Variants in PFKP observed in about 807,000 individuals in gnomAD.
PFKP encodes the protein ATP-dependent 6-phosphofructokinase, platelet type.
Under a neutral mutation model 94.3 loss-of-function variants are expected in PFKP, and 101 were observed. The ratio of observed to expected loss-of-function variants is 1.07; its 90% CI spans 0.91 to 1.26. The LOEUF (loss-of-function observed/expected upper bound fraction) is 1.26, where lower values mean the gene tolerates loss of function less well. Among genes scored for constraint, PFKP ranks in the 50% most tolerant of loss-of-function variants. PFKP has a pLI of 0.00. For synonymous variants in PFKP, 573 were observed against 432.6 expected (o/e 1.32, Z -4.03); for missense variants, 1,145 against 1,103.3 (o/e 1.04, Z -0.53).
At chr10:3,118,139 A>G (rs540914442) in intron 14 of PFKP, among the ~76,000 whole-genome samples, 8 of 152,282 alleles carry the variant, frequency 5.3e-5, no homozygotes, top group South Asian at 2.1e-4. Context: ...AATAGTGGAT[A>G]ATGCATATGT....
At chr10:3,092,872 G>A (rs866895026) in intron 2 of PFKP, among the ~76,000 whole-genome samples, 1 of 152,154 alleles carries the variant, frequency 6.6e-6, no homozygotes, top group Non-Finnish European at 1.5e-5. Flanking sequence ...TCTGAGGAAA[G>A]GGGTGTGGGG....
At chr10:3,077,580 T>TA (rs200927960) in intron 1 of PFKP, among the ~76,000 whole-genome samples, 17,043 of 150,384 alleles carry the variant, frequency 0.11, 1,040 homozygotes, top group South Asian at 0.15. Flanking sequence ...CCTTACTTTT[T>TA]AAAAAAAAAA....
At chr10:3,090,789 G>A (rs1361844203) in intron 2 of PFKP, among the ~76,000 whole-genome samples, 11 of 152,222 alleles carry the variant, frequency 7.2e-5, no homozygotes, top group South Asian at 4.2e-4. Flanking sequence ...TTGGGGGACC[G>A]CTGTTCTAGA....
chr10:3,098,713 C>T (rs1433537956), intron 2 of PFKP, among the ~76,000 whole-genome samples: 1 of 143,876 alleles, frequency 7.0e-6, no homozygotes, highest in African/African-American at 2.5e-5. Flanking sequence ...TGGGCTTCTT[C>T]TATCAATGTG....
Position 3,109,349 on chromosome 10 carries a change from T to A in PFKP, c.964-6T>A. The A allele has an allele frequency of 6.2e-7, 1 of 1,608,822 alleles. No individual in the cohort carries two copies. The highest frequency in any genetic ancestry group is 8.5e-7 in the Non-Finnish European group (1 of 1,179,962). On this transcript the variant is annotated splice_polypyrimidine_tract_variant and splice_region_variant and intron_variant, in intron 9 of 21. Transcript: ENST00000381125. ...TGCCCCTGACCCACATGGACCTGGT[T>A]TCCAGGCCAGCCGCATGGGAGTGGA...
chr10:3,100,879 A>AAAAAAAAAAAAT, intron 3 of PFKP: 1 of 1,144,462 alleles, frequency 8.7e-7, no homozygotes, highest in Non-Finnish European at 1.3e-6. Flanking sequence ...AAAAAAAAAA[A>AAAAAAAAAAAAT]AAATCCCCCT....
chr10:3,087,411 C>T (rs901158115), intron 2 of PFKP, among the ~76,000 whole-genome samples: 1 of 152,162 alleles, frequency 6.6e-6, no homozygotes, highest in African/African-American at 2.4e-5. Context: ...GGGACAGCGC[C>T]TCTTCCTGCC....
chr10:3,109,609 G>C, intron 10 of PFKP, 129 bp downstream of exon 10: 2 of 1,142,718 alleles, frequency 1.8e-6, no homozygotes, highest in Admixed American at 4.1e-5. Flanking sequence ...CTGAGAAGGA[G>C]GTGAGCTGCC....
chr10:3,108,826 G>A lies in PFKP; in HGVS notation c.963+33G>A, dbSNP rs201734546. On this transcript the variant is annotated intron_variant, in intron 9 of 21. Coordinates refer to ENST00000381125, the MANE Select transcript of PFKP (RefSeq NM_002627.5). ...GGGAAGGGTTGGGCATCTTCACAAG[G>A]TCTCTAGGAGGAAGCGTTTCTGGAG... 545 of 1,451,778 alleles carry A rather than the reference G, an allele frequency of 3.8e-4. 1 individual carries two copies. The African/African-American group carries it at 6.8e-3, about 18-fold the overall frequency. 89.9% of individuals were successfully genotyped at this position (1,451,778 alleles called of 1,614,324 possible). A position where few individuals can be genotyped will look rare whatever the true frequency, so the allele number is the denominator to read the frequency against.
chr10:3,120,142 C>G (rs904743210), intron 16 of PFKP, 98 bp downstream of exon 16: 1 of 935,712 alleles, frequency 1.1e-6, no homozygotes, highest in Non-Finnish European at 1.7e-6. Context: ...TAGCCTTTTA[C>G]AAATACCCTG....
chr10:3,114,904 C>T (rs1297211238), intron 13 of PFKP, among the ~76,000 whole-genome samples: 2 of 152,202 alleles, frequency 1.3e-5, no homozygotes, highest in Non-Finnish European at 2.9e-5. Context: ...TAAAGGGACC[C>T]GCTGCTGTTC....
intron 2 of PFKP, among the ~76,000 whole-genome samples, chr10:3,084,814 A>G (rs1450420873): frequency 4.7e-5 from 4 of 84,240 alleles, no homozygotes; most frequent in African/African-American, 1.4e-4. Context: ...TCCCCAGTAC[A>G]GTCTTCCACC....
intron 16 of PFKP, among the ~76,000 whole-genome samples, chr10:3,124,922 G>A (rs1256328477): frequency 6.6e-6 from 1 of 152,186 alleles, no homozygotes; most frequent in Non-Finnish European, 1.5e-5. Flanking sequence ...TGTTGCTGGG[G>A]CCTGTGCTGC....
intron 1 of PFKP, among the ~76,000 whole-genome samples, chr10:3,068,040 T>C (rs530436281): frequency 6.6e-6 from 1 of 152,102 alleles, no homozygotes; most frequent in Non-Finnish European, 1.5e-5. Context: ...CCACCTTCGG[T>C]TTTGTTTTAA....
At position 3,101,482 on chromosome 10, in the gene PFKP, G is replaced by A; in HGVS notation, c.382G>A (p.Asp128Asn). The A allele has an allele frequency of 6.2e-7, 1 of 1,604,442 alleles. No homozygotes were observed. The highest frequency in any genetic ancestry group is 8.5e-7 in the Non-Finnish European group (1 of 1,174,914). The change falls in exon 4 of 22, where the codon GAC (aspartate) becomes AAC (asparagine). Residue 128 changes from aspartate (D) to asparagine (N), a missense_variant. By Grantham distance (23) the Asp-to-Asn change is conservative. This residue lies in a region of PFKP where 1,119 missense variants were observed against 1,062.8 expected (regional missense o/e 1.05). Coordinates refer to ENST00000381125, the MANE Select transcript of PFKP (RefSeq NM_002627.5). ...GITNLCVIGG[D>N]GSLTGANLFR... Reference sequence around the variant, plus strand: ...CACCAACCTGTGTGTGATCGGCGGGGACGGGAGCCTCACCGGGGCCAACCT... The same window carrying A: ...CACCAACCTGTGTGTGATCGGCGGGAACGGGAGCCTCACCGGGGCCAACCT...
At chr10:3,126,481 C>T (rs1033712780) in intron 16 of PFKP, among the ~76,000 whole-genome samples, 1 of 152,224 alleles carries the variant, frequency 6.6e-6, no homozygotes, top group African/African-American at 2.4e-5. Context: ...CACCCTCGCG[C>T]CCCACACGCG....
intron 2 of PFKP, among the ~76,000 whole-genome samples, chr10:3,096,269 G>A (rs914448351): frequency 3.3e-5 from 5 of 152,158 alleles, no homozygotes; most frequent in African/African-American, 1.2e-4. Flanking sequence ...CGTTAGGGGT[G>A]CATGGTTGAC....
At chr10:3,116,637 T>C in intron 13 of PFKP, 139 bp from the exon 14 acceptor site, 1 of 689,136 alleles carries the variant, frequency 1.5e-6, no homozygotes. Context: ...CCGGGCATCG[T>C]GATAAATGCT....
At chr10:3,129,387 T>G (rs1340751424) in intron 16 of PFKP, 1 of 161,398 alleles carries the variant, frequency 6.2e-6, no homozygotes, top group Non-Finnish European at 1.4e-5. Flanking sequence ...GCACAGCGGT[T>G]CTCACGGACT....
Sources: allele counts gnomAD v4.1 joint callset (sites outside exome capture counted in the v4.1 genomes callset), GRCh38; gene constraint gnomAD v4.1.1; regional missense constraint gnomAD v4.1.1; transcripts MANE v1.5; gene names NCBI Gene and HGNC (gene_info 2026-07-23, HGNC 2026-07-21).